The following TNIK variants were observed in gnomAD, a reference collection of about 807,000 sequenced individuals.
TNIK encodes TRAF2 and NCK-interacting protein kinase.
A neutral mutation model predicts 191.3 loss-of-function variants in TNIK; 49 were observed. The observed-to-expected ratio is 0.26, with a 90% CI of 0.20 to 0.32. TNIK has a LOEUF of 0.32. TNIK is among the 10% of genes least tolerant of loss of function. The pLI is 1.00. For missense variants in TNIK, 1,155 were observed against 1,702.3 expected, an observed-to-expected ratio of 0.68 and a Z score of 5.66; for synonymous variants, 594 against 600.9, an observed-to-expected ratio of 0.99 and a Z score of 0.17.
At chr3:171,164,475 C>T (rs567105237) in intron 10 of TNIK, among the ~76,000 whole-genome samples, 6 of 152,278 alleles carry the variant, frequency 3.9e-5, no homozygotes, top group East Asian at 1.9e-4. Flanking sequence ...TGCATTACCT[C>T]GTTTAATCTT....
chr3:171,151,167 A>G (rs1056762581), intron 12 of TNIK, among the ~76,000 whole-genome samples: 4 of 152,244 alleles, frequency 2.6e-5, no homozygotes, highest in African/African-American at 7.2e-5. Context: ...GTAATTTGCC[A>G]AAGACCACAC....
intron 2 of TNIK, among the ~76,000 whole-genome samples, chr3:171,314,036 C>A (rs775243346): frequency 3.3e-5 from 5 of 152,078 alleles, no homozygotes; most frequent in Admixed American, 3.3e-4. Flanking sequence ...TTCAGTTGCT[C>A]CATAAATGTT....
intron 18 of TNIK, among the ~76,000 whole-genome samples, chr3:171,111,819 A>G (rs1172780226): frequency 1.3e-5 from 2 of 152,224 alleles, no homozygotes; most frequent in Non-Finnish European, 2.9e-5. Flanking sequence ...CTCTCTCTCA[A>G]AAAGACAAAT....
chr3:171,219,069 A>ATATAAATATATATTTTATATATATAAT (rs1560278722), intron 3 of TNIK, among the ~76,000 whole-genome samples: 1,653 of 89,388 alleles, frequency 0.018, 23 homozygotes, highest in Middle Eastern at 0.044. Context: ...TATATTAAAT[A>ATATAAATATATATTTTATATATATAAT]TATAAATATA....
chr3:171,456,349 C>A (rs1455086539), intron 1 of TNIK, among the ~76,000 whole-genome samples: 1 of 152,112 alleles, frequency 6.6e-6, no homozygotes. Context: ...GACTCAAGCC[C>A]CAGGTTTGAA....
intron 21 of TNIK, among the ~76,000 whole-genome samples, chr3:171,104,088 A>AGT (rs1553810495): frequency 6.6e-5 from 10 of 151,748 alleles, no homozygotes; most frequent in Admixed American, 5.9e-4. Context: ...GAAATTTTCA[A>AGT]TTAACAGTTT....
chr3:171,110,649 T>C, intron 19 of TNIK, 65 bp downstream of exon 19: 5 of 1,491,900 alleles, frequency 3.4e-6, no homozygotes, highest in Non-Finnish European at 4.5e-6. Flanking sequence ...GTAACTAACC[T>C]TTTTCCCTGT....
intron 21 of TNIK, among the ~76,000 whole-genome samples, chr3:171,104,877 G>A (rs1724462133): frequency 6.6e-6 from 1 of 150,836 alleles, no homozygotes; most frequent in Admixed American, 6.6e-5. Context: ...AATTTTTGAT[G>A]CCCACATACT....
At chr3:171,080,422 GTTT>G (rs2108359622) in intron 27 of TNIK, among the ~76,000 whole-genome samples, 1 of 149,822 alleles carries the variant, frequency 6.7e-6, no homozygotes, top group Non-Finnish European at 1.5e-5. Context: ...CTTTAAAAAT[GTTT>G]TATTTATTTA....
intron 1 of TNIK, among the ~76,000 whole-genome samples, chr3:171,397,466 C>A (rs1054245694): frequency 6.6e-6 from 1 of 152,080 alleles, no homozygotes; most frequent in Non-Finnish European, 1.5e-5. Flanking sequence ...ACTAGGAGGA[C>A]CTAGGAAGCA....
intron 27 of TNIK, among the ~76,000 whole-genome samples, chr3:171,080,572 G>A (rs1428695954): frequency 6.6e-6 from 1 of 151,930 alleles, no homozygotes; most frequent in Non-Finnish European, 1.5e-5. Context: ...AAGTAGCTAG[G>A]ATTACAGGTG....
At chr3:171,256,356 G>C (rs192315400) in intron 2 of TNIK, among the ~76,000 whole-genome samples, 2 of 152,250 alleles carry the variant, frequency 1.3e-5, no homozygotes, top group East Asian at 3.9e-4. Flanking sequence ...TCGATAAAGA[G>C]GTTAATTAGC....
intron 2 of TNIK, among the ~76,000 whole-genome samples, chr3:171,249,159 C>A (rs1159192450): frequency 6.6e-6 from 1 of 152,086 alleles, no homozygotes; most frequent in Non-Finnish European, 1.5e-5. Context: ...AACATGGCAA[C>A]AAAAATAGTT....
chr3:171,326,472 C>G (rs1755761388), intron 2 of TNIK, among the ~76,000 whole-genome samples: 1 of 152,104 alleles, frequency 6.6e-6, no homozygotes, highest in Non-Finnish European at 1.5e-5. Context: ...GAAAAAAACT[C>G]CCACTGAGGT....
chr3:171,407,626 T>C (rs1490332702), intron 1 of TNIK, among the ~76,000 whole-genome samples: 2 of 152,198 alleles, frequency 1.3e-5, no homozygotes, highest in African/African-American at 2.4e-5. Context: ...AACACTTTAG[T>C]TGGACAGCAG....
intron 2 of TNIK, among the ~76,000 whole-genome samples, chr3:171,264,949 G>C (rs1748185579): frequency 6.6e-6 from 1 of 152,208 alleles, no homozygotes; most frequent in African/African-American, 2.4e-5. Flanking sequence ...CCCTTCAGAG[G>C]CTGCTGTATT....
At chr3:171,297,388 A>G (rs1752418825) in intron 2 of TNIK, among the ~76,000 whole-genome samples, 1 of 152,196 alleles carries the variant, frequency 6.6e-6, no homozygotes, top group Admixed American at 6.5e-5. Flanking sequence ...ACTGAGAAAA[A>G]GAGATGACTT....
rs17217552 is a variant in TNIK, at chr3:171,228,213, A to G, written c.132T>C (p.His44=). The G allele has an allele frequency of 0.041, 65,516 of 1,613,384 alleles. 2,949 individuals carry two copies. The highest frequency in any genetic ancestry group is 0.23 in the East Asian group (10,312 of 44,856). Residue 44 remains histidine, a synonymous_variant, in exon 3 of 33, where the codon CAT becomes CAC. Transcript: ENST00000436636. The part of the protein sequence containing the change: ...GTYGQVYKGR[H]VKTGQLAAIK... The stretch of plus-strand genomic sequence containing the variant: ...TGGCTGCAAGCTGGCCCGTTTTGAC[A>G]TGACGACCCTGTGAAGAAAAAATAA...
chr3:171,124,762 G>A (rs993774084), intron 17 of TNIK, among the ~76,000 whole-genome samples: 4 of 152,024 alleles, frequency 2.6e-5, no homozygotes, highest in Non-Finnish European at 4.4e-5. Flanking sequence ...AGAGCCTAAC[G>A]AATTCTTAAA....
Sources: allele counts gnomAD v4.1 joint callset (sites outside exome capture counted in the v4.1 genomes callset), GRCh38; gene constraint gnomAD v4.1.1; transcripts MANE v1.5; gene names NCBI Gene and HGNC (gene_info 2026-07-23, HGNC 2026-07-21).